Variants in DNAH12 observed in about 807,000 individuals in gnomAD.
DNAH12 encodes dynein axonemal heavy chain 12.
Under a neutral mutation model 371.5 loss-of-function variants are expected in DNAH12, and 285 were observed. The observed-to-expected ratio is 0.77, with a 90% confidence interval of 0.70 to 0.85. The LOEUF is 0.85. DNAH12 is among the 40% of genes least tolerant of loss of function. The pLI, the probability that DNAH12 is intolerant of heterozygous loss-of-function variation, is 0.00. For synonymous variants in DNAH12, 1,200 were observed against 1,213.0 expected (o/e 0.99, Z 0.22); for missense variants, 3,611 against 3,689.4 (o/e 0.98, Z 0.55).
rs62260462 is a variant in DNAH12 at position 57,508,138 on chromosome 3, G to A, written c.701+244C>T. Among the ~76,000 whole-genome samples the A allele has an allele frequency of 1.4e-4, 20 of 142,304 alleles. 1 individual carries two copies. The highest frequency in any genetic ancestry group is 5.3e-4 in the Admixed American group (7 of 13,158). The allele number at this position is 142,304 out of a possible 152,430, so 93.4% of individuals were successfully genotyped here. A position where few individuals can be genotyped will look rare whatever the true frequency, so the allele number is the denominator to read the frequency against. On this transcript the variant is annotated intron_variant, in intron 7 of 73. Transcript: ENST00000495027. Reference sequence around the variant, plus strand: ...GGAGACAAAGCTTGCAGTGAGCCAAGATCGCACCATTGCACTCCAGCCTGG... The same window carrying A: ...GGAGACAAAGCTTGCAGTGAGCCAAAATCGCACCATTGCACTCCAGCCTGG...
Position 57,296,699 on chromosome 3 carries a change from A to AT in DNAH12, c.11532+147dup, listed in dbSNP as rs1262828415. On this transcript the variant is annotated intron_variant, in intron 71 of 73. Coordinates refer to ENST00000495027, the MANE Select transcript of DNAH12 (RefSeq NM_001366028.2). ...TTATTTAAATCAAATATTGCAATAT[A>AT]TAAAAGTTCTAAGGGATAGCAAGAC... 6 of 1,017,226 alleles carry AT rather than the reference A, an allele frequency of 5.9e-6. No homozygotes were observed. The Admixed American group carries it at 1.8e-4, about 30-fold the overall frequency. The allele number at this position is 1,017,226 out of a possible 1,614,324, so 63.0% of individuals were successfully genotyped here.
At chr3:57,321,248 C>T (rs1004590688) in intron 65 of DNAH12, among the ~76,000 whole-genome samples, 1 of 152,136 alleles carries the variant, frequency 6.6e-6, no homozygotes, top group African/African-American at 2.4e-5. Context: ...CACAAAATAT[C>T]CTCTCTTGTT....
intron 2 of DNAH12, among the ~76,000 whole-genome samples, chr3:57,527,491 G>A (rs949242292): frequency 6.6e-6 from 1 of 152,216 alleles, no homozygotes; most frequent in East Asian, 1.9e-4. Context: ...TATAATCATG[G>A]TGGAAGGTGA....
chr3:57,396,277 TCAAAAAAAAAAA>T (rs1167676414), intron 43 of DNAH12, among the ~76,000 whole-genome samples: 263 of 14,434 alleles, frequency 0.018, 2 homozygotes, highest in African/African-American at 0.053. Flanking sequence ...AGACTGCATC[TCAAAAAAAAAAA>T]CAAAAAAAAA....
intron 17 of DNAH12, among the ~76,000 whole-genome samples, chr3:57,465,114 C>T (rs1177840328): frequency 1.3e-5 from 2 of 152,126 alleles, no homozygotes; most frequent in African/African-American, 4.8e-5. Flanking sequence ...GAGATTGGCC[C>T]ACATTAGCTC....
intron 60 of DNAH12, among the ~76,000 whole-genome samples, chr3:57,349,044 CCA>C (rs2062610458): frequency 1.3e-5 from 2 of 152,124 alleles, no homozygotes; most frequent in African/African-American, 2.4e-5. Context: ...AACAGACAAT[CCA>C]CAGAGTGGGA....
At chr3:57,452,811 A>G in intron 25 of DNAH12, 32 bp downstream of exon 25, 3 of 1,512,854 alleles carry the variant, frequency 2.0e-6, no homozygotes, top group Non-Finnish European at 2.7e-6. Context: ...AGTAATTATT[A>G]ATGTGTGAAT....
upstream of DNAH12, among the ~76,000 whole-genome samples, chr3:57,547,983 G>C (rs1172555966): frequency 6.6e-6 from 1 of 152,122 alleles, no homozygotes; most frequent in Non-Finnish European, 1.5e-5. Context: ...TGCTTGCAAA[G>C]ATCATTTAGA....
intron 70 of DNAH12, 186 bp from the exon 71 acceptor site, chr3:57,297,170 G>A: frequency 5.1e-6 from 3 of 582,704 alleles, no homozygotes; most frequent in Non-Finnish European, 8.9e-6. Flanking sequence ...TACTCTTCTT[G>A]GAAAACTCAG....
chr3:57,310,753 AG>A lies in DNAH12; in HGVS notation c.10859del (p.Pro3620LeufsTer67). ...CAATGTAGTCCTCATAAGTGCCTTT[AG>A]GAGGTGCAAAATAGTTTCCACTGGG... is the stretch of plus-strand genomic sequence containing the variant. Reference protein sequence around the residue: ...FSPSGNYFAPPKGTYEDYIEF... With the variant: ...FSPSGNYFAPXKGTYEDYIEF... On this transcript the variant is annotated frameshift_variant, in exon 67 of 74. Transcript: ENST00000495027. LOFTEE classifies it high-confidence loss of function. 6.4e-7 allele frequency: 1 copy of A among 1,551,622 alleles called. No homozygotes were observed. Among genetic ancestry groups the A allele is most frequent in the Non-Finnish European group, 8.7e-7 (1 of 1,146,906 alleles).
At chr3:57,548,504 T>G (rs1198465811), upstream of DNAH12, among the ~76,000 whole-genome samples, 1 of 151,894 alleles carries the variant, frequency 6.6e-6, no homozygotes. Flanking sequence ...AGCCCTGGAG[T>G]TTGAGATCAG....
intron 2 of DNAH12, among the ~76,000 whole-genome samples, chr3:57,528,279 T>TG (rs1431337332): frequency 6.6e-6 from 1 of 151,100 alleles, no homozygotes; most frequent in African/African-American, 2.4e-5. Context: ...CCACCCACCT[T>TG]GGCCTCCCAA....
chr3:57,415,008 T>G lies in DNAH12; in HGVS notation c.5853+418A>C, dbSNP rs1307281367. On this transcript the variant is annotated intron_variant, in intron 38 of 73. Transcript: ENST00000495027. Reference sequence around the variant, plus strand: ...ATGGTTCCTGTCACAGGCCCATGGTTTGAAAGGTCCAGGGAGCAGCAAATG... The same window carrying G: ...ATGGTTCCTGTCACAGGCCCATGGTGTGAAAGGTCCAGGGAGCAGCAAATG... 2.0e-5 allele frequency among the ~76,000 whole-genome samples: 3 copies of G among 152,150 alleles called. No homozygotes were observed. The East Asian group carries it at 5.8e-4, about 29-fold the overall frequency.
chr3:57,455,115 C>T lies in DNAH12; in HGVS notation c.3337-221G>A, dbSNP rs145763439. On this transcript the variant is annotated intron_variant, in intron 22 of 73. Coordinates refer to ENST00000495027, the MANE Select transcript of DNAH12 (RefSeq NM_001366028.2). ...AAAAGAATGGAAAGATAAACACCAA[C>T]ATGTTAATAATGGGTAGATTTAACT... 5.5e-4 allele frequency among the ~76,000 whole-genome samples: 83 copies of T among 152,110 alleles called. 1 individual carries two copies. In the East Asian group the frequency reaches 0.015, roughly 28 times the overall value.
the DNAH12 span, among the ~76,000 whole-genome samples, chr3:57,555,690 T>TA: frequency 6.6e-6 from 1 of 152,246 alleles, no homozygotes; most frequent in Non-Finnish European, 1.5e-5. Context: ...CTATGAGGCT[T>TA]AAATAAGATA....
intron 15 of DNAH12, among the ~76,000 whole-genome samples, chr3:57,471,256 G>A (rs2066357528): frequency 6.6e-6 from 1 of 151,156 alleles, no homozygotes. Flanking sequence ...TCAGGAGGCT[G>A]AGACTACATA....
intron 11 of DNAH12, chr3:57,498,471 T>C (rs111765081): frequency 2.8e-6 from 2 of 711,594 alleles, no homozygotes; most frequent in East Asian, 2.7e-5. Context: ...TGCAAGCTAC[T>C]ATGCCTGGCT....
intron 34 of DNAH12, among the ~76,000 whole-genome samples, chr3:57,427,144 G>GTGTGTGTGTGTA (rs1559646556): frequency 4.7e-5 from 7 of 150,120 alleles, no homozygotes. Context: ...GCGAATGTGT[G>GTGTGTGTGTGTA]TGTGTGTGTG....
intron 29 of DNAH12, among the ~76,000 whole-genome samples, chr3:57,440,230 A>C (rs759665000): frequency 6.6e-6 from 1 of 152,250 alleles, no homozygotes; most frequent in African/African-American, 2.4e-5. Context: ...TGCATGCATT[A>C]TGTTTACCAC....
Sources: gnomAD v4.1 joint callset for allele counts (sites outside exome capture counted in the v4.1 genomes callset) on GRCh38, gnomAD v4.1.1 for gene constraint, MANE v1.5 for transcripts, NCBI Gene and HGNC (gene_info 2026-07-23, HGNC 2026-07-21) for gene names.